LSAMP: variants seen among roughly 807,000 people sequenced by gnomAD.
LSAMP encodes the protein limbic system-associated membrane protein.
A neutral mutation model predicts 38.6 loss-of-function variants in LSAMP; 7 were observed. The ratio of observed to expected loss-of-function variants is 0.18; its 90% CI spans 0.10 to 0.34. The LOEUF (loss-of-function observed/expected upper bound fraction) is 0.34. LSAMP is among the 10% of genes least tolerant of loss of function. LSAMP has a pLI of 1.00. For missense variants in LSAMP, 313 were observed against 420.0 expected (o/e 0.75, Z 2.23); for synonymous variants, 154 against 166.8 (o/e 0.92, Z 0.59).
chr3:116,276,564 A>T (rs577274335), intron 1 of LSAMP, among the ~76,000 whole-genome samples: 36 of 152,088 alleles, frequency 2.4e-4, no homozygotes, highest in Admixed American at 9.8e-4. Flanking sequence ...GGCTGCAAAC[A>T]GGGTGCAGCA....
chr3:116,145,600 C>A (rs1046466505), intron 1 of LSAMP, among the ~76,000 whole-genome samples: 2 of 151,806 alleles, frequency 1.3e-5, no homozygotes, highest in Non-Finnish European at 2.9e-5. Flanking sequence ...AGATCCCCCC[C>A]AAAAAATACC....
rs545337564 is a variant in LSAMP at position 116,211,353 on chromosome 3, CAAAT to C, written c.156-124801_156-124798del. On this transcript the variant is annotated intron_variant, in intron 1 of 6. Coordinates refer to ENST00000490035, the MANE Select transcript of LSAMP (RefSeq NM_002338.5). Reference sequence around the variant, plus strand: ...CGGTAGATCTTAAGTGTTCTCTCCACAAATAAATCATAAATATGTGAGGTAATGC... The same window carrying C: ...CGGTAGATCTTAAGTGTTCTCTCCACAAATCATAAATATGTGAGGTAATGC... Among the ~76,000 whole-genome samples, 337 of 152,224 alleles carry C rather than the reference CAAAT, an allele frequency of 2.2e-3. 1 individual carries two copies. The highest frequency in any genetic ancestry group is 2.9e-3 in the Non-Finnish European group (196 of 68,018).
At chr3:116,054,158 C>T (rs901999768) in intron 2 of LSAMP, among the ~76,000 whole-genome samples, 11 of 152,144 alleles carry the variant, frequency 7.2e-5, no homozygotes, top group Admixed American at 1.3e-4. Flanking sequence ...TCCTGGCCAC[C>T]TTCCATCTTC....
chr3:115,854,071 G>A (rs1161727947), intron 3 of LSAMP, among the ~76,000 whole-genome samples: 1 of 151,790 alleles, frequency 6.6e-6, no homozygotes, highest in African/African-American at 2.4e-5. Context: ...GATATTCCAA[G>A]CTTCAAGTCT....
intron 3 of LSAMP, among the ~76,000 whole-genome samples, chr3:115,970,236 T>C (rs1486203831): frequency 6.6e-6 from 1 of 152,176 alleles, no homozygotes; most frequent in Admixed American, 6.5e-5. Context: ...CACCTTGGAA[T>C]AGGTGTTTCA....
At chr3:116,289,119 C>T (rs1444282948) in intron 1 of LSAMP, among the ~76,000 whole-genome samples, 1 of 152,042 alleles carries the variant, frequency 6.6e-6, no homozygotes, top group Non-Finnish European at 1.5e-5. Flanking sequence ...CAATCAGTAG[C>T]ATCTATAGCA....
intron 1 of LSAMP, among the ~76,000 whole-genome samples, chr3:116,418,478 A>G (rs1315747659): frequency 6.7e-6 from 1 of 149,852 alleles, no homozygotes; most frequent in East Asian, 1.9e-4. Flanking sequence ...TTTCTTCATT[A>G]TATTTCTCAT....
intron 1 of LSAMP, among the ~76,000 whole-genome samples, chr3:116,396,846 A>T (rs1024661898): frequency 6.6e-6 from 1 of 152,214 alleles, no homozygotes; most frequent in Non-Finnish European, 1.5e-5. Context: ...CCGTTCTTCC[A>T]GTTGCTCAGG....
At chr3:116,231,181 T>C (rs2046398872) in intron 1 of LSAMP, among the ~76,000 whole-genome samples, 1 of 152,208 alleles carries the variant, frequency 6.6e-6, no homozygotes, top group Non-Finnish European at 1.5e-5. Flanking sequence ...AATTGGCTTT[T>C]GTACTATTAT....
intron 1 of LSAMP, among the ~76,000 whole-genome samples, chr3:116,199,854 T>C (rs1009833645): frequency 1.3e-5 from 2 of 152,136 alleles, no homozygotes; most frequent in African/African-American, 2.4e-5. Context: ...CCATTGACTA[T>C]ACATGGATAA....
chr3:115,850,337 A>G (rs1935290082), intron 4 of LSAMP, among the ~76,000 whole-genome samples: 1 of 152,168 alleles, frequency 6.6e-6, no homozygotes. Flanking sequence ...AATATTTTCT[A>G]TGTATACCAC....
chr3:115,813,505 A>G (rs931918141), intron 6 of LSAMP, among the ~76,000 whole-genome samples: 1 of 152,118 alleles, frequency 6.6e-6, no homozygotes, highest in Non-Finnish European at 1.5e-5. Flanking sequence ...GTGATGTATA[A>G]GTATATTTGA....
At chr3:116,262,517 C>T (rs575138698) in intron 1 of LSAMP, among the ~76,000 whole-genome samples, 1 of 152,284 alleles carries the variant, frequency 6.6e-6, no homozygotes, top group Admixed American at 6.5e-5. Flanking sequence ...GATGCCCAAG[C>T]CCTGTCTGGG....
chr3:116,137,717 T>A (rs1709282448), intron 1 of LSAMP, among the ~76,000 whole-genome samples: 1 of 152,174 alleles, frequency 6.6e-6, no homozygotes, highest in South Asian at 2.1e-4. Context: ...TCTTGAATAC[T>A]TGTAAAATGA....
chr3:116,181,287 T>C (rs1168029743), intron 1 of LSAMP, among the ~76,000 whole-genome samples: 1 of 151,962 alleles, frequency 6.6e-6, no homozygotes, highest in Non-Finnish European at 1.5e-5. Context: ...GTTGAGTCAT[T>C]ATGTTTAAGC....
chr3:115,839,258 T>TTCC (rs58456110), intron 6 of LSAMP, among the ~76,000 whole-genome samples: 12,591 of 103,824 alleles, frequency 0.12, 1,308 homozygotes, highest in Non-Finnish European at 0.18. Context: ...TCCTTCCTTC[T>TTCC]TTCTTTCCTT....
chr3:116,037,151 A>G (rs1576323929), intron 2 of LSAMP, among the ~76,000 whole-genome samples: 1 of 152,212 alleles, frequency 6.6e-6, no homozygotes, highest in Admixed American at 6.5e-5. Flanking sequence ...ACATAGGTCA[A>G]GTATGTTCTC....
chr3:115,869,442 T>G (rs965305694), intron 3 of LSAMP, among the ~76,000 whole-genome samples: 1 of 152,104 alleles, frequency 6.6e-6, no homozygotes. Flanking sequence ...TGTCCAGCAC[T>G]AGGCTGGGGA....
chr3:116,086,347 G>T lies in LSAMP; in HGVS notation c.365C>A (p.Ser122Tyr). The T allele has an allele frequency of 6.2e-7, 1 of 1,614,046 alleles. No homozygotes were observed. Among genetic ancestry groups the T allele is most frequent in the Non-Finnish European group, 8.5e-7 (1 of 1,179,992 alleles). The change falls in exon 2 of 7, where the codon TCC (serine) becomes TAC (tyrosine). Residue 122 changes from serine (S) to tyrosine (Y), a missense_variant. Transcript: ENST00000490035. ...ACCTTGTACGATCAAGTAAACTTGG[G>T]AGGTCTTGGGCTCATGCTGTGTCTG... Reference protein sequence around the residue: ...SVQTQHEPKTSQVYLIVQVPP... With the variant: ...SVQTQHEPKTYQVYLIVQVPP...
Sources: allele counts gnomAD v4.1 joint callset (sites outside exome capture counted in the v4.1 genomes callset), GRCh38; gene constraint gnomAD v4.1.1; transcripts MANE v1.5; gene names NCBI Gene and HGNC (gene_info 2026-07-23, HGNC 2026-07-21).